The following RYR3 variants were observed in gnomAD, a reference collection of about 807,000 sequenced individuals.
The protein encoded by RYR3 is brain ryanodine receptor-calcium release channel.
In RYR3, 207 loss-of-function variants were observed where a neutral mutation model predicts 584.3. The observed-to-expected ratio is 0.35, with a 90% CI of 0.32 to 0.40. The LOEUF (loss-of-function observed/expected upper bound fraction) is 0.40, where lower values mean the gene tolerates loss of function less well. RYR3 is among the 10% of genes least tolerant of loss of function. RYR3 has a pLI of 1.00. For missense variants in RYR3, 5,616 were observed against 6,089.2 expected, an observed-to-expected ratio of 0.92 and a Z score of 2.59; for synonymous variants, 2,416 against 2,248.5, an observed-to-expected ratio of 1.07 and a Z score of -2.11.
intron 1 of RYR3, among the ~76,000 whole-genome samples, chr15:33,336,457 A>G (rs1426732612): frequency 3.8e-5 from 1 of 26,114 alleles, no homozygotes; most frequent in Non-Finnish European, 6.5e-5. Flanking sequence ...AGAGAGAGAG[A>G]GAGAGAGAGA....
chr15:33,634,394 T>A, intron 24 of RYR3, among the ~76,000 whole-genome samples, 192 bp from the exon 25 acceptor site: 1 of 152,208 alleles, frequency 6.6e-6, no homozygotes, highest in African/African-American at 2.4e-5. Flanking sequence ...GTAAAATGTT[T>A]CCATTTATAC....
In RYR3 at chr15:33,623,840, G is replaced by A. The variant is rs374110763; in HGVS notation, c.2391G>A (p.Glu797=). 1 of 1,613,808 alleles carries A rather than the reference G, an allele frequency of 6.2e-7. No individual in the cohort carries two copies. Among genetic ancestry groups the A allele is most frequent in the Non-Finnish European group, 8.5e-7 (1 of 1,179,696 alleles). The change falls in exon 20 of 104, where the codon GAG becomes GAA. Residue 797 remains glutamate (E), a synonymous_variant. Coordinates refer to ENST00000634891, the MANE Select transcript of RYR3 (RefSeq NM_001036.6). ...VRFLMGGRHG[E]FKFLPPSGYA... ...TCCTGATGGGTGGACGTCATGGAGA[G>A]TTTAAGTTCCTGCCTCCCTCTGGCT...
intron 1 of RYR3, among the ~76,000 whole-genome samples, chr15:33,409,467 C>T (rs1476708939): frequency 6.6e-6 from 1 of 152,102 alleles, no homozygotes; most frequent in East Asian, 1.9e-4. Context: ...TCTTGGGCTC[C>T]CCAGGTGCTC....
rs531514310 is a variant in RYR3 at position 33,615,894 on chromosome 15, C to T, written c.2357+2519C>T. The stretch of plus-strand genomic sequence containing the variant: ...ACCTTCTAGCCCTATTTTCCATCTT[C>T]CCCACTCCACTCCTTAGGAATAAAG... On this transcript the variant is annotated intron_variant, in intron 19 of 103. Coordinates refer to ENST00000634891, the MANE Select transcript of RYR3 (RefSeq NM_001036.6). 3.9e-5 allele frequency among the ~76,000 whole-genome samples: 6 copies of T among 152,256 alleles called. No homozygotes were observed. In the South Asian group the frequency reaches 1.2e-3, roughly 32 times the overall value.
intron 1 of RYR3, among the ~76,000 whole-genome samples, chr15:33,392,129 G>T (rs1012613441): frequency 4.0e-5 from 6 of 151,058 alleles, no homozygotes; most frequent in Admixed American, 4.0e-4. Flanking sequence ...GCTGAAAAAA[G>T]GTTAGTGTCC....
At chr15:33,336,908 A>T (rs1009010319) in intron 1 of RYR3, among the ~76,000 whole-genome samples, 2 of 150,744 alleles carry the variant, frequency 1.3e-5, no homozygotes, top group African/African-American at 4.9e-5. Flanking sequence ...ACAAAAAAAA[A>T]TTAGCCGGGC....
At chr15:33,313,709 G>A (rs936656171) in intron 1 of RYR3, among the ~76,000 whole-genome samples, 2 of 152,140 alleles carry the variant, frequency 1.3e-5, no homozygotes, top group Non-Finnish European at 2.9e-5. Context: ...ACATCGACAT[G>A]GTCCTGGATG....
intron 3 of RYR3, among the ~76,000 whole-genome samples, chr15:33,530,380 G>T (rs898169935): frequency 1.3e-5 from 2 of 152,096 alleles, no homozygotes; most frequent in African/African-American, 2.4e-5. Context: ...AATAGATTTG[G>T]TCCCACACAC....
chr15:33,864,981 C>T, intron 103 of RYR3, 150 bp from the exon 104 acceptor site: 1 of 597,260 alleles, frequency 1.7e-6, no homozygotes, highest in South Asian at 2.2e-5. Context: ...ACAGCCTGTG[C>T]TGGGAATAGA....
rs746200681 is a variant in RYR3, at chr15:33,843,474, C to T, written c.13210-14C>T. 1.9e-6 allele frequency: 3 copies of T among 1,581,072 alleles called. No individual in the cohort carries two copies. Among genetic ancestry groups the T allele is most frequent in the Non-Finnish European group, 2.6e-6 (3 of 1,158,014 alleles). Reference sequence around the variant, plus strand: ...CCAAAGCTCTTCTACTTCTGCCTGTCCTTTTCTTTGCAGCATTACCTGGCC... The same window carrying T: ...CCAAAGCTCTTCTACTTCTGCCTGTTCTTTTCTTTGCAGCATTACCTGGCC... On this transcript the variant is annotated splice_polypyrimidine_tract_variant and intron_variant, in intron 91 of 103. Coordinates refer to ENST00000634891, the MANE Select transcript of RYR3 (RefSeq NM_001036.6).
intron 38 of RYR3, among the ~76,000 whole-genome samples, chr15:33,685,616 T>C (rs1488450155): frequency 6.6e-6 from 1 of 152,204 alleles, no homozygotes; most frequent in Non-Finnish European, 1.5e-5. Flanking sequence ...CAGAACTCTC[T>C]ACCCCAAATC....
At chr15:33,544,005 G>C (rs1401705765) in intron 8 of RYR3, among the ~76,000 whole-genome samples, 2 of 152,128 alleles carry the variant, frequency 1.3e-5, no homozygotes, top group African/African-American at 4.8e-5. Flanking sequence ...TTCAAAGACA[G>C]ATCATCTCTA....
intron 1 of RYR3, among the ~76,000 whole-genome samples, chr15:33,457,757 G>A (rs2047679280): frequency 6.6e-6 from 1 of 152,190 alleles, no homozygotes; most frequent in South Asian, 2.1e-4. Context: ...ATACATGTGT[G>A]AGGTGGTGGA....
chr15:33,464,492 A>ATAGATAT (rs1349704138), intron 1 of RYR3, among the ~76,000 whole-genome samples: 3 of 61,780 alleles, frequency 4.9e-5, no homozygotes, highest in Non-Finnish European at 8.6e-5. Flanking sequence ...ATATATATAC[A>ATAGATAT]CATATATATA....
At position 33,644,514 on chromosome 15, in the gene RYR3, A is replaced by G. The variant is rs770535464; in HGVS notation, c.3760A>G (p.Ile1254Val). Reference sequence around the variant, plus strand: ...CAACGTGCCAAAGGATCATCCACACATAGAGGTAATGTTACACAATGTGTG... The same window carrying G: ...CAACGTGCCAAAGGATCATCCACACGTAGAGGTAATGTTACACAATGTGTG... ...FVNVPKDHPH[I>V]EVMRIDGTMD... Residue 1254 changes from isoleucine to valine, a missense_variant, in exon 28 of 104, where the codon ATA becomes GTA. Coordinates refer to ENST00000634891, the MANE Select transcript of RYR3 (RefSeq NM_001036.6). The G allele has an allele frequency of 1.5e-5, 24 of 1,612,564 alleles. No homozygotes were observed. In the East Asian group the frequency reaches 5.1e-4, roughly 34 times the overall value.
intron 1 of RYR3, among the ~76,000 whole-genome samples, chr15:33,459,991 CAT>C (rs1332620252): frequency 2.6e-5 from 4 of 152,188 alleles, no homozygotes; most frequent in Non-Finnish European, 4.4e-5. Flanking sequence ...AACTGTATCT[CAT>C]ATGCTTCTAA....
At chr15:33,325,083 A>G (rs762480659) in intron 1 of RYR3, among the ~76,000 whole-genome samples, 15 of 152,312 alleles carry the variant, frequency 9.8e-5, no homozygotes, top group Non-Finnish European at 1.6e-4. Context: ...TCTACATATT[A>G]TTGATACCAG....
intron 37 of RYR3, among the ~76,000 whole-genome samples, chr15:33,669,858 GTGTGGGTGT>G (rs2063728566): frequency 5.1e-5 from 1 of 19,786 alleles, no homozygotes; most frequent in African/African-American, 1.5e-4. Flanking sequence ...GGGGGGGGGG[GTGTGGGTGT>G]GTGGGTGTGT....
chr15:33,724,276 T>C, intron 45 of RYR3, 100 bp downstream of exon 45: 1 of 674,660 alleles, frequency 1.5e-6, no homozygotes, highest in South Asian at 1.9e-5. Context: ...TGGCATTTGC[T>C]AACATGCCTT....
Sources: allele counts gnomAD v4.1 joint callset (sites outside exome capture counted in the v4.1 genomes callset), GRCh38; gene constraint gnomAD v4.1.1; transcripts MANE v1.5; gene names NCBI Gene and HGNC (gene_info 2026-07-23, HGNC 2026-07-21).